Variants in DPF3 observed in about 807,000 individuals in gnomAD.
The protein encoded by DPF3 is zinc finger protein DPF3.
A neutral mutation model predicts 56.8 loss-of-function variants in DPF3; 18 were observed. That is an observed-to-expected ratio of 0.32 (90% CI 0.22 to 0.47). The LOEUF is 0.47. Among genes scored for constraint, DPF3 ranks in the 20% least tolerant of loss-of-function variants. The probability of loss-of-function intolerance (pLI) is 1.00; values close to 1 mark genes in which losing one functional copy is unlikely to be tolerated. For synonymous variants in DPF3, 188 were observed against 180.2 expected, an observed-to-expected ratio of 1.04 and a Z score of -0.35; for missense variants, 403 against 488.8, an observed-to-expected ratio of 0.82 and a Z score of 1.65.
chr14:72,762,599 G>A (rs550730535), intron 2 of DPF3, among the ~76,000 whole-genome samples: 25 of 151,078 alleles, frequency 1.7e-4, no homozygotes, highest in African/African-American at 5.8e-4. Context: ...TCCTCAATCT[G>A]ATAAAGAATA....
chr14:72,840,470 G>A (rs574095296), intron 1 of DPF3, among the ~76,000 whole-genome samples: 18 of 152,136 alleles, frequency 1.2e-4, no homozygotes, highest in Non-Finnish European at 1.9e-4. Context: ...CTTTCCAGGC[G>A]GCCCGTGTTA....
At position 72,812,493 on chromosome 14, in the gene DPF3, G is replaced by A. The variant is rs76146854; in HGVS notation, c.33-40600C>T. On this transcript the variant is annotated intron_variant, in intron 1 of 10. Transcript: ENST00000556509. ...GGAGGCAACATCCTCGGCAAGTCTGGGAAGGAGGTGGAGGCAGGGAGGCAA... is the reference window on the plus strand; with the variant it reads ...GGAGGCAACATCCTCGGCAAGTCTGAGAAGGAGGTGGAGGCAGGGAGGCAA... Among the ~76,000 whole-genome samples the A allele has an allele frequency of 9.3e-4, 142 of 152,244 alleles. 1 individual carries two copies. The highest frequency in any genetic ancestry group is 3.1e-3 in the African/African-American group (129 of 41,548).
intron 8 of DPF3, among the ~76,000 whole-genome samples, chr14:72,648,116 G>A (rs1352886852): frequency 6.6e-6 from 1 of 152,112 alleles, no homozygotes; most frequent in Admixed American, 6.5e-5. Context: ...GAGCAGTCGT[G>A]GTTTCAGTGG....
chr14:72,805,479 A>G (rs908759669), intron 1 of DPF3, among the ~76,000 whole-genome samples: 4 of 151,824 alleles, frequency 2.6e-5, no homozygotes, highest in Non-Finnish European at 5.9e-5. Flanking sequence ...TCCAAAAAAA[A>G]AAAAACTGCA....
intron 8 of DPF3, among the ~76,000 whole-genome samples, chr14:72,645,230 T>G (rs1333954109): frequency 6.6e-6 from 1 of 152,166 alleles, no homozygotes; most frequent in African/African-American, 2.4e-5. Flanking sequence ...GTTTTGTGGT[T>G]GGACTCAAGT....
At chr14:72,875,005 T>C (rs879310880) in intron 1 of DPF3, among the ~76,000 whole-genome samples, 12 of 152,136 alleles carry the variant, frequency 7.9e-5, no homozygotes, top group Non-Finnish European at 1.2e-4. Context: ...TGGCAGGAAG[T>C]GAAAGACACT....
chr14:72,771,733 C>G lies in DPF3; in HGVS notation c.193G>C (p.Gly65Arg). ...ATGTCCCAGGAGTGGCGCAGCTCAC[C>G]TGGGCCTCGGTGCCTCTTCTCCATC... ...IWMEKRHRGPGLAPGQLYTYP... is the reference protein window; with the variant it reads ...IWMEKRHRGPRLAPGQLYTYP... The change falls in exon 2 of 11, where the codon GGC (glycine) becomes CGC (arginine). Residue 65 changes from glycine to arginine, a missense_variant and splice_region_variant. Coordinates refer to ENST00000556509, the MANE Select transcript of DPF3 (RefSeq NM_001280542.3). 2 of 1,611,244 alleles carry G rather than the reference C, an allele frequency of 1.2e-6. No homozygotes were observed. The highest frequency in any genetic ancestry group is 1.7e-6 in the Non-Finnish European group (2 of 1,178,618).
intron 1 of DPF3, among the ~76,000 whole-genome samples, chr14:72,811,273 C>A (rs1669464565): frequency 6.6e-6 from 1 of 152,214 alleles, no homozygotes; most frequent in Non-Finnish European, 1.5e-5. Context: ...ATGAGCTTTG[C>A]AGGGGACAAA....
rs1171731517 is a variant in DPF3, at chr14:72,756,872, G to A, written c.194-3501C>T. Among the ~76,000 whole-genome samples the A allele has an allele frequency of 7.1e-3, 602 of 84,726 alleles. 1 individual carries two copies. The highest frequency in any genetic ancestry group is 0.012 in the East Asian group (37 of 3,078). The allele number at this position is 84,726 out of a possible 152,430, so 55.6% of individuals were successfully genotyped here. ...AGAAAGAAAGAAAGAAAGAAAGAAAGGAAGGAAAGAAGGAAAGAAAGAAAG... is the reference window on the plus strand; with the variant it reads ...AGAAAGAAAGAAAGAAAGAAAGAAAAGAAGGAAAGAAGGAAAGAAAGAAAG... On this transcript the variant is annotated intron_variant, in intron 2 of 10. Coordinates refer to ENST00000556509, the MANE Select transcript of DPF3 (RefSeq NM_001280542.3).
chr14:72,651,201 G>T (rs1453214246), intron 8 of DPF3, among the ~76,000 whole-genome samples: 2 of 152,330 alleles, frequency 1.3e-5, no homozygotes, highest in East Asian at 1.9e-4. Context: ...GGCCCAGGAT[G>T]GGGGCGGGCA....
intron 3 of DPF3, among the ~76,000 whole-genome samples, chr14:72,733,832 C>T (rs566957915): frequency 6.6e-6 from 1 of 152,186 alleles, no homozygotes. Context: ...TCTGACCAAT[C>T]CATGAGGAAG....
rs180942450 is a variant in DPF3, at chr14:72,838,013, G to A, written c.32+56044C>T. Among the ~76,000 whole-genome samples, 696 of 152,248 alleles carry A rather than the reference G, an allele frequency of 4.6e-3. 5 individuals are homozygous for A. The highest frequency in any genetic ancestry group is 0.015 in the African/African-American group (636 of 41,556). ...GGAATCTGTGGCAGCTTCCACAGGC[G>A]GTGAAAGAAGGCAGCAAGCAGTGGC... On this transcript the variant is annotated intron_variant, in intron 1 of 10. Coordinates refer to ENST00000556509, the MANE Select transcript of DPF3 (RefSeq NM_001280542.3).
Position 72,771,846 on chromosome 14 carries a change from T to C in DPF3, c.80A>G (p.Tyr27Cys). The change falls in exon 2 of 11, where the codon TAC (tyrosine) becomes TGC (cysteine). Residue 27 changes from tyrosine to cysteine, a missense_variant. Physicochemically the swap from Tyr to Cys is radical, Grantham distance 194. Coordinates refer to ENST00000556509, the MANE Select transcript of DPF3 (RefSeq NM_001280542.3). ...YKEAIEHCRS[Y>C]NSRLCAERSV... ...GCGCTCTGCACACAGCCGTGAGTTGTAACTCCGGCAGTGCTCAATGGCTTC... is the reference window on the plus strand; with the variant it reads ...GCGCTCTGCACACAGCCGTGAGTTGCAACTCCGGCAGTGCTCAATGGCTTC... 2.5e-6 allele frequency: 4 copies of C among 1,612,274 alleles called. No individual in the cohort carries two copies. Among genetic ancestry groups the C allele is most frequent in the Non-Finnish European group, 3.4e-6 (4 of 1,179,012 alleles).
chr14:72,820,272 T>G (rs576525230), intron 1 of DPF3, among the ~76,000 whole-genome samples: 3 of 152,168 alleles, frequency 2.0e-5, no homozygotes, highest in African/African-American at 7.2e-5. Context: ...CAAATTGATA[T>G]AAAAAGCATT....
intron 1 of DPF3, among the ~76,000 whole-genome samples, chr14:72,783,229 T>A (rs915597962): frequency 1.3e-5 from 2 of 152,256 alleles, no homozygotes; most frequent in Middle Eastern, 3.4e-3. Flanking sequence ...TATACTTTAT[T>A]TTTTTCATAA....
At chr14:72,714,578 C>T in intron 5 of DPF3, 77 bp from the exon 6 acceptor site, 3 of 1,530,208 alleles carry the variant, frequency 2.0e-6, no homozygotes, top group Non-Finnish European at 2.7e-6. Context: ...TCTGCGAGCT[C>T]CTTACACCGT....
Position 72,852,616 on chromosome 14 carries a change from C to T in DPF3, c.32+41441G>A, listed in dbSNP as rs182115683. ...TGATTGGCAATAAACGTCACACATT[C>T]TCACGTTATACATTTATTCGACCTT... On this transcript the variant is annotated intron_variant, in intron 1 of 10. Coordinates refer to ENST00000556509, the MANE Select transcript of DPF3 (RefSeq NM_001280542.3). Among the ~76,000 whole-genome samples the T allele has an allele frequency of 3.0e-4, 46 of 152,324 alleles. 2 individuals carry two copies. In the East Asian group the frequency reaches 6.4e-3, roughly 21 times the overall value.
chr14:72,835,256 C>T (rs952759713), intron 1 of DPF3, among the ~76,000 whole-genome samples: 1 of 152,038 alleles, frequency 6.6e-6, no homozygotes, highest in Non-Finnish European at 1.5e-5. Context: ...TTAGTAGAGA[C>T]GGGATTTCAC....
At chr14:72,641,637 C>G (rs749404413) in intron 8 of DPF3, among the ~76,000 whole-genome samples, 2 of 152,200 alleles carry the variant, frequency 1.3e-5, no homozygotes, top group Non-Finnish European at 2.9e-5. Flanking sequence ...GTAGGAGGAG[C>G]AGCACTGGGA....
Sources: gnomAD v4.1 joint callset for allele counts (sites outside exome capture counted in the v4.1 genomes callset) on GRCh38, gnomAD v4.1.1 for gene constraint, MANE v1.5 for transcripts, NCBI Gene and HGNC (gene_info 2026-07-23, HGNC 2026-07-21) for gene names.